The following DGCR2 variants were observed in gnomAD, a reference collection of about 807,000 sequenced individuals.
DGCR2 encodes integral membrane protein DGCR2/IDD.
DGCR2 carries 24 observed loss-of-function variants against 51.6 expected under a neutral mutation model. The ratio of observed to expected loss-of-function variants is 0.47; its 90% CI spans 0.34 to 0.65. The LOEUF (loss-of-function observed/expected upper bound fraction) is 0.65, where lower values mean the gene tolerates loss of function less well. Ranked by LOEUF, DGCR2 falls within the 30% of genes least tolerant of loss-of-function variation. DGCR2 has a pLI of 0.01. For synonymous variants in DGCR2, 340 were observed against 315.4 expected, an observed-to-expected ratio of 1.08 and a Z score of -0.82; for missense variants, 765 against 772.1, an observed-to-expected ratio of 0.99 and a Z score of 0.11.
intron 1 of DGCR2, among the ~76,000 whole-genome samples, chr22:19,104,172 T>A (rs1280136370): frequency 1.3e-5 from 2 of 152,114 alleles, no homozygotes; most frequent in Non-Finnish European, 2.9e-5. Flanking sequence ...CTCAGTATTA[T>A]CATGAAAACA....
In DGCR2 at chr22:19,039,082, G is replaced by T; in HGVS notation, c.1436C>A (p.Ala479Asp). The T allele has an allele frequency of 6.2e-7, 1 of 1,613,238 alleles. No individual in the cohort carries two copies. The highest frequency in any genetic ancestry group is 8.5e-7 in the Non-Finnish European group (1 of 1,180,004). The change falls in exon 10 of 10, where the codon GCC (alanine) becomes GAC (aspartate). Residue 479 changes from alanine (A) to aspartate (D), a missense_variant. Around this residue, in one of 3 missense-constraint regions of DGCR2, gnomAD observed 205 missense variants for 181.4 expected, o/e 1.13. Transcript: ENST00000263196. ...ACCTTCACTCCCACCATCCCCAGGG[G>T]CTGGCAGGCTGACCTCCACAGGCTC... The part of the protein sequence containing the change: ...AFEPVEVSLP[A>D]PGDGGSEGAL...
intron 2 of DGCR2, among the ~76,000 whole-genome samples, chr22:19,086,753 G>T (rs1174198992): frequency 6.6e-6 from 1 of 152,116 alleles, no homozygotes; most frequent in South Asian, 2.1e-4. Context: ...TCTGTCTAGG[G>T]AAAACATATG....
chr22:19,113,006 T>C (rs1034393427), intron 1 of DGCR2, among the ~76,000 whole-genome samples: 1 of 130,978 alleles, frequency 7.6e-6, no homozygotes, highest in African/African-American at 2.8e-5. Context: ...GGGTTCTCAC[T>C]GTAGAAAAAG....
intron 1 of DGCR2, among the ~76,000 whole-genome samples, chr22:19,110,338 A>C (rs1254314108): frequency 6.6e-6 from 1 of 152,198 alleles, no homozygotes; most frequent in Non-Finnish European, 1.5e-5. Flanking sequence ...GGGAAGTGTC[A>C]GCTTCCTGGG....
At chr22:19,058,811 G>C (rs923637465) in intron 5 of DGCR2, among the ~76,000 whole-genome samples, 6 of 152,214 alleles carry the variant, frequency 3.9e-5, no homozygotes, top group African/African-American at 1.4e-4. Context: ...AAGTCAGAGT[G>C]AGTCAGGCAA....
Position 19,077,023 on chromosome 22 carries a change from C to A in DGCR2, c.203-8798G>T, listed in dbSNP as rs879440550. Reference sequence around the variant, plus strand: ...ACAGGCGTGAGCCGCCGCACCCAGTCCTTTGCACATTTTTTAACCAGGATA... The same window carrying A: ...ACAGGCGTGAGCCGCCGCACCCAGTACTTTGCACATTTTTTAACCAGGATA... On this transcript the variant is annotated intron_variant, in intron 2 of 9. Transcript: ENST00000263196. 7.2e-5 allele frequency among the ~76,000 whole-genome samples: 11 copies of A among 152,136 alleles called. 1 individual carries two copies. The highest frequency in any genetic ancestry group is 3.3e-4 in the Admixed American group (5 of 15,270).
At chr22:19,073,051 G>A (rs1457369198) in intron 2 of DGCR2, among the ~76,000 whole-genome samples, 1 of 152,056 alleles carries the variant, frequency 6.6e-6, no homozygotes, top group African/African-American at 2.4e-5. Flanking sequence ...GAGGCCAGGA[G>A]TTGGAGACCA....
At chr22:19,083,083 T>A (rs1459042952) in intron 2 of DGCR2, among the ~76,000 whole-genome samples, 1 of 134,714 alleles carries the variant, frequency 7.4e-6, no homozygotes, top group Admixed American at 7.6e-5. Context: ...CCAGACCTTG[T>A]CTCAAAAAAA....
intron 7 of DGCR2, 87 bp from the exon 8 acceptor site, chr22:19,042,046 G>A (rs2082439005): frequency 7.4e-6 from 11 of 1,478,870 alleles, no homozygotes; most frequent in Middle Eastern, 2.4e-4. Context: ...CTGCCCAGGC[G>A]GGCTGTGTGG....
At chr22:19,112,345 T>A (rs962938305) in intron 1 of DGCR2, among the ~76,000 whole-genome samples, 24 of 151,718 alleles carry the variant, frequency 1.6e-4, no homozygotes, top group Non-Finnish European at 3.4e-4. Context: ...TACCAATTAG[T>A]GTAATGAAAG....
intron 1 of DGCR2, among the ~76,000 whole-genome samples, chr22:19,101,491 A>C (rs1003180210): frequency 6.6e-6 from 1 of 151,240 alleles, no homozygotes; most frequent in Admixed American, 6.6e-5. Context: ...CTGTAATCCC[A>C]GCACTTTGGG....
At chr22:19,068,325 G>T (rs575099041) in intron 2 of DGCR2, 100 bp from the exon 3 acceptor site, 3 of 1,354,084 alleles carry the variant, frequency 2.2e-6, no homozygotes, top group South Asian at 1.8e-5. Flanking sequence ...AGGCCGGAGG[G>T]GGGGCCTGTA....
chr22:19,069,268 C>G (rs1449064283), intron 2 of DGCR2, among the ~76,000 whole-genome samples: 1 of 152,238 alleles, frequency 6.6e-6, no homozygotes, highest in Non-Finnish European at 1.5e-5. Flanking sequence ...CCTGCAAAGC[C>G]TCCTTCCCTG....
intron 6 of DGCR2, among the ~76,000 whole-genome samples, chr22:19,052,191 T>C (rs2082555226): frequency 6.6e-6 from 1 of 151,868 alleles, no homozygotes; most frequent in Non-Finnish European, 1.5e-5. Flanking sequence ...CCGATGCAGG[T>C]GGATCATCTG....
chr22:19,068,298 G>A, intron 2 of DGCR2, 73 bp from the exon 3 acceptor site: 1 of 1,453,542 alleles, frequency 6.9e-7, no homozygotes, highest in Non-Finnish European at 9.1e-7. Flanking sequence ...GCATGGTTCA[G>A]ACCACTCAGG....
At chr22:19,112,930 G>C (rs1295017626) in intron 1 of DGCR2, among the ~76,000 whole-genome samples, 4 of 144,624 alleles carry the variant, frequency 2.8e-5, no homozygotes, top group Non-Finnish European at 6.2e-5. Flanking sequence ...CAGTACTTCT[G>C]AAACTATTCT....
intron 1 of DGCR2, among the ~76,000 whole-genome samples, chr22:19,115,232 TGCCAGCAAG>T (rs2083361400): frequency 6.6e-6 from 1 of 152,204 alleles, no homozygotes; most frequent in Non-Finnish European, 1.5e-5. Flanking sequence ...CAAAGCCAGG[TGCCAGCAAG>T]TCCATCAGAG....
At chr22:19,120,092 C>T (rs1197039347) in intron 1 of DGCR2, among the ~76,000 whole-genome samples, 1 of 152,206 alleles carries the variant, frequency 6.6e-6, no homozygotes, top group African/African-American at 2.4e-5. Flanking sequence ...CACGGGCATA[C>T]AAGGAACACA....
chr22:19,068,482 A>G (rs2082776219), intron 2 of DGCR2, among the ~76,000 whole-genome samples: 1 of 152,204 alleles, frequency 6.6e-6, no homozygotes, highest in Non-Finnish European at 1.5e-5. Context: ...GGCCCTCTTC[A>G]TTGCATTTTC....
Sources: allele counts gnomAD v4.1 joint callset (sites outside exome capture counted in the v4.1 genomes callset), GRCh38; gene constraint gnomAD v4.1.1; regional missense constraint gnomAD v4.1.1; transcripts MANE v1.5; gene names NCBI Gene and HGNC (gene_info 2026-07-23, HGNC 2026-07-21).